The following STXBP5L variants were observed in gnomAD, a reference collection of about 807,000 sequenced individuals.
STXBP5L encodes the protein syntaxin-binding protein 5-like.
A neutral mutation model predicts 144.5 loss-of-function variants in STXBP5L; 65 were observed. The ratio of observed to expected loss-of-function variants is 0.45; its 90% CI spans 0.37 to 0.55. The LOEUF is 0.55. Among genes scored for constraint, STXBP5L ranks in the 20% least tolerant of loss-of-function variants. The pLI is 0.00. For missense variants in STXBP5L, 1,298 were observed against 1,405.5 expected, an observed-to-expected ratio of 0.92 and a Z score of 1.22; for synonymous variants, 505 against 469.6, an observed-to-expected ratio of 1.08 and a Z score of -0.97.
intron 3 of STXBP5L, among the ~76,000 whole-genome samples, chr3:121,022,526 C>G (rs543083709): frequency 2.2e-4 from 33 of 152,228 alleles, no homozygotes; most frequent in Middle Eastern, 3.4e-3. Flanking sequence ...TACTAGCTAA[C>G]CGAATCCAAG....
intron 2 of STXBP5L, among the ~76,000 whole-genome samples, chr3:120,954,558 T>C (rs1194521710): frequency 6.6e-6 from 1 of 152,112 alleles, no homozygotes; most frequent in Non-Finnish European, 1.5e-5. Context: ...TTTAATTCTT[T>C]TGTTGGACAC....
chr3:121,205,552 A>G (rs1157785147), intron 9 of STXBP5L, among the ~76,000 whole-genome samples: 3 of 152,226 alleles, frequency 2.0e-5, no homozygotes, highest in Non-Finnish European at 2.9e-5. Flanking sequence ...AGCAATAGTA[A>G]TACATTTCAT....
intron 2 of STXBP5L, among the ~76,000 whole-genome samples, chr3:120,911,373 G>C (rs899860235): frequency 5.9e-5 from 9 of 152,056 alleles, no homozygotes; most frequent in Non-Finnish European, 1.0e-4. Context: ...GGCATGGTAG[G>C]AAGAGCACTG....
intron 5 of STXBP5L, among the ~76,000 whole-genome samples, chr3:121,051,779 A>G (rs1176049815): frequency 2.0e-5 from 3 of 152,234 alleles, no homozygotes; most frequent in Non-Finnish European, 4.4e-5. Flanking sequence ...AAACCCTTCA[A>G]AAAATTAATG....
At chr3:121,087,123 T>C (rs1183828289) in intron 5 of STXBP5L, among the ~76,000 whole-genome samples, 1 of 152,128 alleles carries the variant, frequency 6.6e-6, no homozygotes, top group Non-Finnish European at 1.5e-5. Flanking sequence ...TCTTTGTGTA[T>C]GTTCTGTGTA....
At chr3:121,000,403 G>C (rs539715050) in intron 3 of STXBP5L, among the ~76,000 whole-genome samples, 2 of 152,170 alleles carry the variant, frequency 1.3e-5, no homozygotes, top group South Asian at 4.1e-4. Flanking sequence ...ATATTCTGCT[G>C]TTAGTATTTC....
chr3:121,207,146 C>G (rs940362112), intron 10 of STXBP5L, among the ~76,000 whole-genome samples: 5 of 151,734 alleles, frequency 3.3e-5, no homozygotes, highest in Non-Finnish European at 7.4e-5. Context: ...AAAATGAACA[C>G]TGTTTGAACA....
At chr3:121,193,614 C>A (rs2047796604) in intron 9 of STXBP5L, among the ~76,000 whole-genome samples, 1 of 152,146 alleles carries the variant, frequency 6.6e-6, no homozygotes, top group African/African-American at 2.4e-5. Flanking sequence ...AAATGTGGCA[C>A]ATATACACCA....
At position 121,096,593 on chromosome 3, in the gene STXBP5L, C is replaced by T. The variant is rs563569977; in HGVS notation, c.471-18332C>T. On this transcript the variant is annotated intron_variant, in intron 5 of 26. Transcript: ENST00000471454. ...GTTAGTTTTTCTTCCAACAGTCAGG[C>T]CCCTCTGCTGCAGGTTGGCTGGAGT... 9.2e-5 allele frequency among the ~76,000 whole-genome samples: 14 copies of T among 152,220 alleles called. No homozygotes were observed. In the East Asian group the frequency reaches 1.5e-3, roughly 17 times the overall value.
intron 3 of STXBP5L, among the ~76,000 whole-genome samples, chr3:120,966,882 G>A (rs908295051): frequency 6.6e-6 from 1 of 152,172 alleles, no homozygotes; most frequent in African/African-American, 2.4e-5. Flanking sequence ...GCTGCCTTTT[G>A]TTCAGCTATA....
chr3:121,129,601 A>G (rs2044877391), intron 7 of STXBP5L, among the ~76,000 whole-genome samples: 1 of 152,044 alleles, frequency 6.6e-6, no homozygotes, highest in African/African-American at 2.4e-5. Flanking sequence ...TGTGGGATGG[A>G]CCCCATATTC....
chr3:121,267,469 C>T (rs1177137045), intron 18 of STXBP5L, among the ~76,000 whole-genome samples: 1 of 152,158 alleles, frequency 6.6e-6, no homozygotes, highest in African/African-American at 2.4e-5. Context: ...TAGAAGAAAA[C>T]CTAGGCAATA....
rs182435463 is a variant in STXBP5L at position 121,203,541 on chromosome 3, T to C, written c.878-2382T>C. Among the ~76,000 whole-genome samples, 3 of 152,312 alleles carry C rather than the reference T, an allele frequency of 2.0e-5. No individual in the cohort carries two copies. The East Asian group carries it at 5.8e-4, about 29-fold the overall frequency. ...GAATAGTAAGAAATATAATTGTCGA[T>C]AATGTTGTGATACACAACATGACAT... On this transcript the variant is annotated intron_variant, in intron 9 of 26. Coordinates refer to ENST00000471454, the MANE Select transcript of STXBP5L (RefSeq NM_001308330.2).
chr3:121,063,785 A>G (rs1278073023), intron 5 of STXBP5L, among the ~76,000 whole-genome samples: 3 of 151,914 alleles, frequency 2.0e-5, no homozygotes, highest in East Asian at 3.9e-4. Context: ...GGCTTTGTTT[A>G]CACTGTCAGC....
intron 20 of STXBP5L, among the ~76,000 whole-genome samples, chr3:121,373,264 G>A (rs1452727627): frequency 6.6e-6 from 1 of 152,218 alleles, no homozygotes; most frequent in African/African-American, 2.4e-5. Context: ...GAAACGGTAA[G>A]TGAGAGATTC....
chr3:121,342,739 T>C (rs1412209267), intron 20 of STXBP5L, among the ~76,000 whole-genome samples: 3 of 148,668 alleles, frequency 2.0e-5, no homozygotes, highest in Non-Finnish European at 3.0e-5. Context: ...CTTAATCCAG[T>C]CTATCATTGT....
chr3:121,073,248 AGTGTGGCTG>A (rs2041881658), intron 5 of STXBP5L, among the ~76,000 whole-genome samples: 4 of 152,252 alleles, frequency 2.6e-5, no homozygotes, highest in African/African-American at 9.6e-5. Flanking sequence ...TGTTGGCAGC[AGTGTGGCTG>A]GATTTAGAGT....
intron 10 of STXBP5L, among the ~76,000 whole-genome samples, chr3:121,220,976 T>G (rs1453511703): frequency 6.6e-6 from 1 of 152,008 alleles, no homozygotes; most frequent in Non-Finnish European, 1.5e-5. Flanking sequence ...TAGCTATTTA[T>G]TACTAGAGGC....
intron 18 of STXBP5L, among the ~76,000 whole-genome samples, chr3:121,275,194 C>T (rs542230293): frequency 6.6e-6 from 1 of 152,132 alleles, no homozygotes; most frequent in Admixed American, 6.5e-5. Context: ...CTCAAACTTT[C>T]TTATTTTTCA....
Sources: gnomAD v4.1 joint callset for allele counts (sites outside exome capture counted in the v4.1 genomes callset) on GRCh38, gnomAD v4.1.1 for gene constraint, MANE v1.5 for transcripts, NCBI Gene and HGNC (gene_info 2026-07-23, HGNC 2026-07-21) for gene names.